The following TMC6 variants were observed in gnomAD, a reference collection of about 807,000 sequenced individuals.
TMC6 encodes transmembrane channel like 6, also known as transmembrane channel-like protein 6.
Under a neutral mutation model 95.4 loss-of-function variants are expected in TMC6, and 71 were observed. That is an observed-to-expected ratio of 0.74 (90% CI 0.61 to 0.91). The LOEUF (loss-of-function observed/expected upper bound fraction) is 0.91, where lower values mean the gene tolerates loss of function less well. Ranked by LOEUF, TMC6 falls within the 40% of genes least tolerant of loss-of-function variation. The pLI is 0.00. For missense variants in TMC6, 1,074 were observed against 1,079.1 expected (o/e 1.00, Z 0.07); for synonymous variants, 514 against 483.1 (o/e 1.06, Z -0.84).
chr17:78,127,219 C>A (rs2074763302), intron 1 of TMC6, among the ~76,000 whole-genome samples: 1 of 152,154 alleles, frequency 6.6e-6, no homozygotes, highest in Non-Finnish European at 1.5e-5. Context: ...GTAGACACAG[C>A]CCCTTTCAGG....
At chr17:78,131,945 G>A, upstream of TMC6, 5 of 1,511,314 alleles carry the variant, frequency 3.3e-6, no homozygotes, top group Non-Finnish European at 4.4e-6. Context: ...GCCGGCGGCA[G>A]ACGGTGGAAA....
chr17:78,113,658 T>A, intron 18 of TMC6, 34 bp from the exon 19 acceptor site: 14 of 1,608,922 alleles, frequency 8.7e-6, no homozygotes, highest in Non-Finnish European at 1.2e-5. Context: ...GGAGGAGAAA[T>A]CATCCATCAG....
intron 17 of TMC6, 42 bp downstream of exon 17, chr17:78,117,426 G>A (rs749290385): frequency 2.7e-5 from 44 of 1,610,754 alleles, no homozygotes; most frequent in South Asian, 8.8e-5. Flanking sequence ...CAGGCCCAGC[G>A]AGGGCCATCT....
rs2073832842 is a variant in TMC6, at chr17:78,111,904, TCCCCACAGAC to T, written c.*1234_*1243del. 4.3e-6 allele frequency: 1 copy of T among 230,810 alleles called. No homozygotes were observed. Among genetic ancestry groups the T allele is most frequent in the African/African-American group, 2.4e-5 (1 of 41,050 alleles). The allele number at this position is 230,810 out of a possible 1,614,324, so 14.3% of individuals were successfully genotyped here. ...GGAACCCTGCGCCGTGACGGGCTGGTCCCCACAGACCTGGAGCACTGGGGTCATGACGGGC... is the reference window on the plus strand; with the variant it reads ...GGAACCCTGCGCCGTGACGGGCTGGTCTGGAGCACTGGGGTCATGACGGGC... On this transcript the variant is annotated 3_prime_UTR_variant, in exon 20 of 20. Coordinates refer to ENST00000590602, the MANE Select transcript of TMC6 (RefSeq NM_001127198.5).
At chr17:78,131,946 A>T (rs1397714168), upstream of TMC6, 2 of 1,511,012 alleles carry the variant, frequency 1.3e-6, no homozygotes, top group Non-Finnish European at 1.8e-6. Context: ...CCGGCGGCAG[A>T]CGGTGGAAAG....
At chr17:78,117,099 A>G (rs2074158259) in intron 18 of TMC6, among the ~76,000 whole-genome samples, 170 bp downstream of exon 18, 1 of 152,078 alleles carries the variant, frequency 6.6e-6, no homozygotes, top group South Asian at 2.1e-4. Flanking sequence ...TCTCACGGCT[A>G]CTTCGTCACT....
chr17:78,132,361 C>T (rs780579678), upstream of TMC6: 2 of 1,612,964 alleles, frequency 1.2e-6, no homozygotes, highest in South Asian at 1.1e-5. Flanking sequence ...CACTGCAGGC[C>T]TCTTCGGCAC....
At position 78,120,543 on chromosome 17, in the gene TMC6, G is replaced by C; in HGVS notation, c.1715+110C>G. On this transcript the variant is annotated intron_variant, in intron 13 of 19. Coordinates refer to ENST00000590602, the MANE Select transcript of TMC6 (RefSeq NM_001127198.5). ...TTCCTGAGTCTTCCTCTGAAGGGTG[G>C]AGACACAGGGCCCTGATGGGAAAGG... The C allele has an allele frequency of 5.4e-6, 8 of 1,479,538 alleles. No individual in the cohort carries two copies. In the Admixed American group the frequency reaches 1.2e-4, roughly 22 times the overall value. 91.7% of individuals were successfully genotyped at this position (1,479,538 alleles called of 1,614,324 possible). A position where few individuals can be genotyped will look rare whatever the true frequency, so the allele number is the denominator to read the frequency against.
In TMC6 at chr17:78,108,824, T is replaced by C. The variant is rs2073762492; in HGVS notation, c.*4324A>G. On this transcript the variant is annotated 3_prime_UTR_variant, in exon 20 of 20. Coordinates refer to ENST00000590602, the MANE Select transcript of TMC6 (RefSeq NM_001127198.5). ...TATTAAATTTTTTTTTAAATGGCAGTTTCAGACCTGCCCTTTGTGGTTTGT... is the reference window on the plus strand; with the variant it reads ...TATTAAATTTTTTTTTAAATGGCAGCTTCAGACCTGCCCTTTGTGGTTTGT... The C allele has an allele frequency of 1.3e-5, 2 of 152,158 alleles. No individual in the cohort carries two copies. The highest frequency in any genetic ancestry group is 4.1e-4 in the South Asian group (2 of 4,822). 9.4% of individuals were successfully genotyped at this position (152,158 alleles called of 1,614,324 possible). A position where few individuals can be genotyped will look rare whatever the true frequency, so the allele number is the denominator to read the frequency against.
rs2074849383 is a variant in TMC6, at chr17:78,128,410, C to T, written c.-75+202G>A. Among the ~76,000 whole-genome samples the T allele has an allele frequency of 6.6e-6, 1 of 152,144 alleles. No homozygotes were observed. The highest frequency in any genetic ancestry group is 6.5e-5 in the Admixed American group (1 of 15,284). On this transcript the variant is annotated intron_variant, in intron 1 of 19. Transcript: ENST00000590602. This position sits in a 1 kb window ranked among gnomAD's most constrained non-coding sequence, Gnocchi z 4.0. ...GGGGCTGCGGATTTTGCTCCCCGCA[C>T]TGTCCTCCCCGCCCCTGCCGCTCCC...
In TMC6 at chr17:78,120,152, CTTTTTTTTTTT is replaced by C. The variant is rs35789255; in HGVS notation, c.1715+490_1715+500del. ...CTGAGGTTGTGTCATATACACGTTA[CTTTTTTTTTTT>C]TTTTTTTTTTTTTGGCAACACAGTC... On this transcript the variant is annotated intron_variant, in intron 13 of 19. Transcript: ENST00000590602. 1,033 of 151,516 alleles carry C rather than the reference CTTTTTTTTTTT, an allele frequency of 6.8e-3. 1 individual carries two copies. Among genetic ancestry groups the C allele is most frequent in the Non-Finnish European group, 9.4e-3 (803 of 85,360 alleles). 9.4% of individuals were successfully genotyped at this position (151,516 alleles called of 1,614,324 possible).
Position 78,109,654 on chromosome 17 carries a change from GCCCC to G in TMC6, c.*3490_*3493del. 1 of 428,726 alleles carries G rather than the reference GCCCC, an allele frequency of 2.3e-6. No homozygotes were observed. Among genetic ancestry groups the G allele is most frequent in the Non-Finnish European group, 4.7e-6 (1 of 212,162 alleles). 26.6% of individuals were successfully genotyped at this position (428,726 alleles called of 1,614,324 possible). On this transcript the variant is annotated 3_prime_UTR_variant, in exon 20 of 20. Transcript: ENST00000590602. ...AAAAAAGCAGAAGCACATTTCCGAA[GCCCC>G]CCAAGCCCACGGGCGTGAGTGCATG...
upstream of TMC6, chr17:78,128,812 G>T (rs1032711254): frequency 1.1e-4 from 14 of 131,250 alleles, 2 homozygotes; most frequent in African/African-American, 3.8e-4. The surrounding 1 kb of genome is among the most constrained non-coding windows in gnomAD (Gnocchi z 4.0). Context: ...GGGGGGGGGG[G>T]CGGGCCTCGG....
Position 78,122,661 on chromosome 17 carries a change from C to A in TMC6, c.1171G>T (p.Val391Leu), listed in dbSNP as rs1306960064. The change falls in exon 10 of 20, where the codon GTG (valine) becomes TTG (leucine). Residue 391 changes from valine to leucine, a missense_variant. Physicochemically the swap from Val to Leu is conservative, Grantham distance 32 (BLOSUM62 1). Transcript: ENST00000590602. The surrounding 1 kb of genome is among the most constrained non-coding windows in gnomAD (Gnocchi z 4.9). ...AGGCGGGAGGCCCGCTTCTGCGTCACCTTGTAGTCCCAGGAGCAGAAGACG... is the reference window on the plus strand; with the variant it reads ...AGGCGGGAGGCCCGCTTCTGCGTCAACTTGTAGTCCCAGGAGCAGAAGACG... Reference protein sequence around the residue: ...ITVFCSWDYKVTQKRASRLQQ... With the variant: ...ITVFCSWDYKLTQKRASRLQQ... The A allele has an allele frequency of 2.5e-6, 4 of 1,612,140 alleles. No homozygotes were observed. In the African/African-American group the frequency reaches 5.3e-5, roughly 22 times the overall value.
intron 9 of TMC6, among the ~76,000 whole-genome samples, chr17:78,123,566 T>C (rs2074526878): frequency 7.2e-6 from 1 of 139,574 alleles, no homozygotes; most frequent in African/African-American, 2.7e-5. Flanking sequence ...GGTGGATGGG[T>C]GAATGGGTGA....
At chr17:78,131,670 C>T (rs1403479588), upstream of TMC6, 11 of 1,569,670 alleles carry the variant, frequency 7.0e-6, no homozygotes, top group African/African-American at 1.3e-5. Flanking sequence ...AGAGATGGAG[C>T]GGCTGCGCGG....
chr17:78,126,704 GC>G lies in TMC6; in HGVS notation c.57-57del, dbSNP rs935108225. ...TCCAGCCACCTCTCTCCTTCCAGCA[GC>G]CCCTGCTCAGGTGACCTCTCCGTGG... On this transcript the variant is annotated intron_variant, in intron 2 of 19. Coordinates refer to ENST00000590602, the MANE Select transcript of TMC6 (RefSeq NM_001127198.5). 15 of 1,611,876 alleles carry G rather than the reference GC, an allele frequency of 9.3e-6. No individual in the cohort carries two copies. In the African/African-American group the frequency reaches 1.5e-4, roughly 16 times the overall value.
intron 5 of TMC6, 99 bp downstream of exon 5, chr17:78,125,627 G>A: frequency 1.3e-6 from 2 of 1,501,838 alleles, no homozygotes; most frequent in African/African-American, 1.4e-5. Flanking sequence ...GGGGCCTCTG[G>A]CTCTGCAGCA....
In TMC6 at chr17:78,119,702, G is replaced by A. The variant is rs1487774307; in HGVS notation, c.1716-310C>T. 18 of 435,806 alleles carry A rather than the reference G, an allele frequency of 4.1e-5. No individual in the cohort carries two copies. The East Asian group carries it at 4.3e-4, about 10-fold the overall frequency. 27.0% of individuals were successfully genotyped at this position (435,806 alleles called of 1,614,324 possible). A position where few individuals can be genotyped will look rare whatever the true frequency, so the allele number is the denominator to read the frequency against. ...CGGGCTGGAGCACAGTGACGCAATC[G>A]TGGCTCACTGCAGCCTTGACCTCCT... On this transcript the variant is annotated intron_variant, in intron 13 of 19. Coordinates refer to ENST00000590602, the MANE Select transcript of TMC6 (RefSeq NM_001127198.5).
Sources: allele counts gnomAD v4.1 joint callset (sites outside exome capture counted in the v4.1 genomes callset), GRCh38; gene constraint gnomAD v4.1.1; non-coding constraint Gnocchi (gnomAD v3.1); transcripts MANE v1.5; gene names NCBI Gene and HGNC (gene_info 2026-07-23, HGNC 2026-07-21).